Variants in LRMDA observed in about 807,000 individuals in gnomAD.
LRMDA encodes leucine rich melanocyte differentiation associated.
LRMDA carries 18 observed loss-of-function variants against 29.8 expected under a neutral mutation model. That is an observed-to-expected ratio of 0.60 (90% CI 0.42 to 0.90). The LOEUF (loss-of-function observed/expected upper bound fraction) is 0.90, where lower values mean the gene tolerates loss of function less well. Ranked by LOEUF, LRMDA falls within the 40% of genes least tolerant of loss-of-function variation. The pLI is 0.00. For missense variants in LRMDA, 273 were observed against 273.9 expected (o/e 1.00, Z 0.02); for synonymous variants, 125 against 109.4 (o/e 1.14, Z -0.89).
chr10:75,477,035 G>C (rs1466152396), intron 2 of LRMDA, among the ~76,000 whole-genome samples: 1 of 150,714 alleles, frequency 6.6e-6, no homozygotes, highest in Non-Finnish European at 1.5e-5. Context: ...CTATCTCTCA[G>C]GCTGGAGTAC....
intron 2 of LRMDA, among the ~76,000 whole-genome samples, chr10:75,476,208 G>A (rs1364581708): frequency 5.3e-5 from 8 of 152,124 alleles, no homozygotes; most frequent in African/African-American, 1.9e-4. Flanking sequence ...TGGTTTTATG[G>A]CATCATGTAA....
At chr10:75,854,086 A>G (rs1211963857) in intron 2 of LRMDA, among the ~76,000 whole-genome samples, 1 of 152,050 alleles carries the variant, frequency 6.6e-6, no homozygotes, top group East Asian at 1.9e-4. Flanking sequence ...TGGTTATGTA[A>G]TGGGGGCGTG....
intron 2 of LRMDA, among the ~76,000 whole-genome samples, chr10:75,712,377 G>A (rs71473790): frequency 4.0e-5 from 6 of 151,480 alleles, no homozygotes; most frequent in Non-Finnish European, 7.4e-5. Context: ...ACACGTGGCC[G>A]GCTGGGCCCT....
At chr10:75,677,982 CTTG>C (rs778087828) in intron 2 of LRMDA, among the ~76,000 whole-genome samples, 5 of 152,094 alleles carry the variant, frequency 3.3e-5, no homozygotes, top group Non-Finnish European at 5.9e-5. Flanking sequence ...TACTGAAATC[CTTG>C]TTGTAAAATG....
intron 2 of LRMDA, among the ~76,000 whole-genome samples, chr10:75,528,409 A>G (rs890252402): frequency 2.6e-5 from 4 of 152,232 alleles, no homozygotes; most frequent in African/African-American, 9.6e-5. Flanking sequence ...GTAATTGAAC[A>G]TGCATATTAA....
At chr10:75,698,537 A>T (rs1564543509) in intron 2 of LRMDA, among the ~76,000 whole-genome samples, 2 of 152,188 alleles carry the variant, frequency 1.3e-5, no homozygotes, top group Non-Finnish European at 1.5e-5. Context: ...TCTAGCACAT[A>T]AACAGGTGGC....
intron 5 of LRMDA, among the ~76,000 whole-genome samples, chr10:76,222,358 G>A (rs1304287323): frequency 6.6e-6 from 1 of 152,218 alleles, no homozygotes; most frequent in African/African-American, 2.4e-5. Flanking sequence ...GAAAATTTTT[G>A]CAACCTACTC....
intron 6 of LRMDA, among the ~76,000 whole-genome samples, chr10:76,345,341 G>T (rs1306025646): frequency 6.6e-6 from 1 of 150,608 alleles, no homozygotes. Context: ...CAAAGTGCTG[G>T]GATTACAGGC....
chr10:75,541,359 T>C (rs915716550), intron 2 of LRMDA, among the ~76,000 whole-genome samples: 1 of 152,018 alleles, frequency 6.6e-6, no homozygotes, highest in Non-Finnish European at 1.5e-5. Context: ...GGAATATTTG[T>C]TTTTAAGTCA....
chr10:75,567,889 G>A (rs1263814018), intron 2 of LRMDA, among the ~76,000 whole-genome samples: 3 of 152,188 alleles, frequency 2.0e-5, no homozygotes, highest in African/African-American at 7.2e-5. Flanking sequence ...TACCAGAATA[G>A]GGGTGATGTA....
At chr10:75,905,429 T>C (rs904228549) in intron 2 of LRMDA, among the ~76,000 whole-genome samples, 5 of 151,988 alleles carry the variant, frequency 3.3e-5, no homozygotes, top group African/African-American at 1.2e-4. Flanking sequence ...AAAGAATAAT[T>C]CAAATGCTTC....
At chr10:76,276,049 CTATCTCTT>C (rs1274251644) in intron 5 of LRMDA, among the ~76,000 whole-genome samples, 166 of 144,500 alleles carry the variant, frequency 1.1e-3, no homozygotes, top group African/African-American at 4.2e-3. Context: ...ATCTATCTAT[CTATCTCTT>C]TCTTTCTCTC....
chr10:76,122,490 CTG>C (rs1204975597), intron 5 of LRMDA, among the ~76,000 whole-genome samples: 1 of 151,954 alleles, frequency 6.6e-6, no homozygotes, highest in Non-Finnish European at 1.5e-5. Flanking sequence ...CTTTGTGTCT[CTG>C]TATATCCTTA....
chr10:76,130,709 G>A (rs146728675), intron 5 of LRMDA, among the ~76,000 whole-genome samples: 1 of 152,194 alleles, frequency 6.6e-6, no homozygotes, highest in East Asian at 1.9e-4. Context: ...ACCCAGGCTG[G>A]AGTGCAAAGG....
intron 5 of LRMDA, among the ~76,000 whole-genome samples, chr10:76,112,695 GC>G (rs1474723991): frequency 9.3e-3 from 1 of 108 alleles, no homozygotes; most frequent in Admixed American, 0.1. Flanking sequence ...GGTAGGTCCG[GC>G]TCCCGGAGCC....
At chr10:76,271,655 T>G (rs1840069534) in intron 5 of LRMDA, among the ~76,000 whole-genome samples, 2 of 152,192 alleles carry the variant, frequency 1.3e-5, no homozygotes, top group African/African-American at 4.8e-5. Context: ...GAAAACAGGC[T>G]TGGACATTGC....
chr10:75,582,862 C>A (rs149125342), intron 2 of LRMDA, among the ~76,000 whole-genome samples: 33 of 152,340 alleles, frequency 2.2e-4, no homozygotes, highest in Middle Eastern at 3.4e-3. Context: ...CCAGGCCATA[C>A]TGAACACTTT....
intron 6 of LRMDA, among the ~76,000 whole-genome samples, chr10:76,511,673 A>G (rs1277064908): frequency 6.6e-6 from 1 of 151,432 alleles, no homozygotes; most frequent in African/African-American, 2.4e-5. Flanking sequence ...TAAATTTAAT[A>G]TAATGTGTAA....
chr10:76,231,187 G>A (rs1017392714), intron 5 of LRMDA, among the ~76,000 whole-genome samples: 3 of 152,158 alleles, frequency 2.0e-5, no homozygotes, highest in Non-Finnish European at 4.4e-5. Context: ...ATCAAAGAAA[G>A]GGTGGCAAAG....
Sources: allele counts gnomAD v4.1 joint callset (sites outside exome capture counted in the v4.1 genomes callset), GRCh38; gene constraint gnomAD v4.1.1; transcripts MANE v1.5; gene names NCBI Gene and HGNC (gene_info 2026-07-23, HGNC 2026-07-21).